Variants in MAL2 observed in about 807,000 individuals in gnomAD.
The protein encoded by MAL2 is mal, T cell differentiation protein 2.
Under a neutral mutation model 18.1 loss-of-function variants are expected in MAL2, and 17 were observed. The ratio of observed to expected loss-of-function variants is 0.94; its 90% CI spans 0.64 to 1.41. The LOEUF (loss-of-function observed/expected upper bound fraction) is 1.41. Among genes scored for constraint, MAL2 ranks in the 40% most tolerant of loss-of-function variants. The pLI is 0.00. For missense variants in MAL2, 222 were observed against 231.9 expected (o/e 0.96, Z 0.28); for synonymous variants, 102 against 102.3 (o/e 1.00, Z 0.02).
In MAL2 at chr8:119,245,627, A is replaced by G. The variant is rs1000741431; in HGVS notation, c.*2139A>G. Reference sequence around the variant, plus strand: ...TCTGGTAACTCCATGATGAAAAGAAATTTATTTTATACGTGTTATGTCTCT... The same window carrying G: ...TCTGGTAACTCCATGATGAAAAGAAGTTTATTTTATACGTGTTATGTCTCT... On this transcript the variant is annotated 3_prime_UTR_variant, in exon 4 of 4. Coordinates refer to ENST00000614891, the MANE Select transcript of MAL2 (RefSeq NM_052886.3). 1 of 152,200 alleles carries G rather than the reference A, an allele frequency of 6.6e-6. No homozygotes were observed. Among genetic ancestry groups the G allele is most frequent in the African/African-American group, 2.4e-5 (1 of 41,352 alleles). The allele number at this position is 152,200 out of a possible 1,614,324, so 9.4% of individuals were successfully genotyped here. A position where few individuals can be genotyped will look rare whatever the true frequency, so the allele number is the denominator to read the frequency against.
At chr8:119,235,627 G>C (rs1817870769) in intron 2 of MAL2, among the ~76,000 whole-genome samples, 1 of 151,974 alleles carries the variant, frequency 6.6e-6, no homozygotes, top group Non-Finnish European at 1.5e-5. Flanking sequence ...AGCCAGAAGA[G>C]AGTGGGGGCC....
intron 2 of MAL2, among the ~76,000 whole-genome samples, chr8:119,232,089 G>A (rs961208330): frequency 1.3e-5 from 2 of 148,502 alleles, no homozygotes; most frequent in African/African-American, 5.2e-5. Flanking sequence ...GATAATTTTG[G>A]GAGGTTTTAT....
rs1444664530 is a variant in MAL2 at position 119,244,469 on chromosome 8, T to C, written c.*981T>C. The stretch of plus-strand genomic sequence containing the variant: ...AGAGACCATTAACCAATACTGGAAC[T>C]GGTATCTAGCTACTGATGTCTTACT... On this transcript the variant is annotated 3_prime_UTR_variant, in exon 4 of 4. Transcript: ENST00000614891. The C allele has an allele frequency of 6.6e-6, 1 of 152,200 alleles. No individual in the cohort carries two copies. The highest frequency in any genetic ancestry group is 1.9e-4 in the East Asian group (1 of 5,186). The allele number at this position is 152,200 out of a possible 1,614,324, so 9.4% of individuals were successfully genotyped here.
intron 2 of MAL2, among the ~76,000 whole-genome samples, chr8:119,233,601 A>T: frequency 6.6e-6 from 1 of 152,196 alleles, no homozygotes; most frequent in Non-Finnish European, 1.5e-5. Flanking sequence ...TCCTCGACAC[A>T]TACACCCTCC....
At chr8:119,224,779 C>T (rs558932948) in intron 2 of MAL2, among the ~76,000 whole-genome samples, 1 of 152,152 alleles carries the variant, frequency 6.6e-6, no homozygotes, top group African/African-American at 2.4e-5. Flanking sequence ...CCACTTACAA[C>T]TGAGAACATA....
chr8:119,243,541 G>A lies in MAL2; in HGVS notation c.*53G>A, dbSNP rs1818092711. 6.8e-6 allele frequency: 10 copies of A among 1,467,706 alleles called. No homozygotes were observed. The highest frequency in any genetic ancestry group is 9.2e-6 in the Non-Finnish European group (10 of 1,087,834). The allele number at this position is 1,467,706 out of a possible 1,614,324, so 90.9% of individuals were successfully genotyped here. ...TTAGTTTCACTTGTCTACTTTATAT[G>A]TCTGATCAATTTGGATACCATTTTG... On this transcript the variant is annotated 3_prime_UTR_variant, in exon 4 of 4. Transcript: ENST00000614891.
chr8:119,215,859 G>A (rs1817344101), intron 1 of MAL2, among the ~76,000 whole-genome samples: 1 of 152,168 alleles, frequency 6.6e-6, no homozygotes, highest in African/African-American at 2.4e-5. Context: ...CAGTCGCATT[G>A]TGAATGAATC....
chr8:119,234,358 G>A (rs934699811), intron 2 of MAL2, among the ~76,000 whole-genome samples: 1 of 152,182 alleles, frequency 6.6e-6, no homozygotes, highest in African/African-American at 2.4e-5. Context: ...AGATCAAACT[G>A]CAAGGCGGCA....
chr8:119,235,119 C>G (rs1817848787), intron 2 of MAL2, among the ~76,000 whole-genome samples: 1 of 151,956 alleles, frequency 6.6e-6, no homozygotes, highest in South Asian at 2.1e-4. Flanking sequence ...CTTAAAGGAG[C>G]TGATGGAGCT....
At chr8:119,213,806 G>C (rs11989564) in intron 1 of MAL2, among the ~76,000 whole-genome samples, 4 of 151,980 alleles carry the variant, frequency 2.6e-5, no homozygotes, top group African/African-American at 4.8e-5. Context: ...AAATAAGAGC[G>C]AAACTACATC....
chr8:119,229,593 C>T (rs910801717), intron 2 of MAL2, among the ~76,000 whole-genome samples: 1 of 151,998 alleles, frequency 6.6e-6, no homozygotes, highest in Non-Finnish European at 1.5e-5. Flanking sequence ...ATTACAGACA[C>T]GAGCCACTGC....
intron 2 of MAL2, among the ~76,000 whole-genome samples, chr8:119,229,081 T>C (rs1817654288): frequency 1.3e-5 from 2 of 152,264 alleles, no homozygotes; most frequent in Middle Eastern, 3.4e-3. Flanking sequence ...GGATGGTTGA[T>C]GCCAAAGGAT....
Position 119,221,759 on chromosome 8 carries a change from T to C in MAL2, c.303+2T>C. The C allele has an allele frequency of 6.2e-7, 1 of 1,613,276 alleles. No individual in the cohort carries two copies. Among genetic ancestry groups the C allele is most frequent in the Non-Finnish European group, 8.5e-7 (1 of 1,179,578 alleles). ...ATTGATGCTAACTGGAACTTCCTGG[T>C]AAGGACTTTTTATTTTAAGTCTATT... On this transcript the variant is annotated splice_donor_variant, in intron 2 of 3. Transcript: ENST00000614891. LOFTEE classifies it high-confidence loss of function.
chr8:119,225,393 T>C (rs150354359), intron 2 of MAL2, among the ~76,000 whole-genome samples: 119 of 152,230 alleles, frequency 7.8e-4, no homozygotes, highest in African/African-American at 2.6e-3. Flanking sequence ...TTTGTCCTTG[T>C]GATAGTTTGC....
chr8:119,211,874 C>T (rs2129770482), intron 1 of MAL2, among the ~76,000 whole-genome samples: 1 of 152,162 alleles, frequency 6.6e-6, no homozygotes, highest in African/African-American at 2.4e-5. Context: ...AAGCCATCAC[C>T]TTCAAAATTC....
chr8:119,208,905 C>A lies in MAL2; in HGVS notation c.132+301C>A. 4.2e-6 allele frequency: 1 copy of A among 238,358 alleles called. No individual in the cohort carries two copies. 14.8% of individuals were successfully genotyped at this position (238,358 alleles called of 1,614,324 possible). On this transcript the variant is annotated intron_variant, in intron 1 of 3. Transcript: ENST00000614891. This position sits in a 1 kb window ranked among gnomAD's most constrained non-coding sequence, Gnocchi z 4.3. ...CGTGGAGGAAAGAAAGGTGTTGGGGCTCAGAGGCGCCTTTAGAAACCCAGG... is the reference window on the plus strand; with the variant it reads ...CGTGGAGGAAAGAAAGGTGTTGGGGATCAGAGGCGCCTTTAGAAACCCAGG...
Position 119,221,652 on chromosome 8 carries a change from A to C in MAL2, c.198A>C (p.Gly66=). Residue 66 remains glycine (G), a synonymous_variant, in exon 2 of 4, where the codon GGA becomes GGC. Transcript: ENST00000614891. ...SSNVPLPLLQ[G]WVMFVSVTAF... is the part of the protein sequence containing the mutation. ...ATGTTCCTCTACCTCTACTACAAGG[A>C]TGGGTCATGTTTGTGTCCGTGACAG... The C allele has an allele frequency of 6.2e-7, 1 of 1,613,738 alleles. No individual in the cohort carries two copies. Among genetic ancestry groups the C allele is most frequent in the South Asian group, 1.1e-5 (1 of 91,072 alleles).
chr8:119,241,008 A>G (rs1215591300), intron 3 of MAL2, among the ~76,000 whole-genome samples: 1 of 152,152 alleles, frequency 6.6e-6, no homozygotes, highest in Non-Finnish European at 1.5e-5. Context: ...AGTCCAAATT[A>G]GTTTCTGAAA....
chr8:119,224,672 G>A (rs1026919241), intron 2 of MAL2, among the ~76,000 whole-genome samples: 1 of 151,994 alleles, frequency 6.6e-6, no homozygotes, highest in Non-Finnish European at 1.5e-5. Context: ...CCAACATGTA[G>A]TTTTTTTATC....
Sources: gnomAD v4.1 joint callset for allele counts (sites outside exome capture counted in the v4.1 genomes callset) on GRCh38, gnomAD v4.1.1 for gene constraint, Gnocchi (gnomAD v3.1) non-coding constraint, MANE v1.5 for transcripts, NCBI Gene and HGNC (gene_info 2026-07-23, HGNC 2026-07-21) for gene names.